PDZD2: variants seen among roughly 807,000 people sequenced by gnomAD.
The protein encoded by PDZD2 is PDZ domain-containing protein 2.
A neutral mutation model predicts 220.7 loss-of-function variants in PDZD2; 90 were observed. That is an observed-to-expected ratio of 0.41 (90% CI 0.34 to 0.49). The LOEUF is 0.49. Ranked by LOEUF, PDZD2 falls within the 20% of genes least tolerant of loss-of-function variation. PDZD2 has a pLI of 0.28. For synonymous variants in PDZD2, 1,375 were observed against 1,450.5 expected (o/e 0.95, Z 1.18); for missense variants, 3,174 against 3,608.5 (o/e 0.88, Z 3.08).
chr5:31,817,096 G>A (rs1561482291), intron 2 of PDZD2, among the ~76,000 whole-genome samples: 1 of 149,594 alleles, frequency 6.7e-6, no homozygotes, highest in Non-Finnish European at 1.5e-5. Flanking sequence ...TGAGGCAGGA[G>A]AATGGCGTGA....
chr5:31,983,730 A>G (rs758239750), intron 3 of PDZD2, 74 bp downstream of exon 3: 38 of 1,413,566 alleles, frequency 2.7e-5, no homozygotes, highest in Middle Eastern at 1.8e-4. Flanking sequence ...AGCCCAGCCC[A>G]TGCGGGAAAT....
intron 2 of PDZD2, among the ~76,000 whole-genome samples, chr5:31,979,300 T>C (rs548603542): frequency 1.3e-5 from 2 of 152,322 alleles, no homozygotes; most frequent in East Asian, 3.9e-4. Context: ...CCAAGAGTGG[T>C]AGCTCACGCC....
intron 2 of PDZD2, among the ~76,000 whole-genome samples, chr5:31,866,088 G>T (rs1026155535): frequency 1.3e-5 from 2 of 151,846 alleles, no homozygotes; most frequent in Non-Finnish European, 2.9e-5. Context: ...TGCAACCTCC[G>T]CCTCTCTGGC....
intron 2 of PDZD2, chr5:31,822,626 T>C: frequency 7.6e-7 from 1 of 1,312,968 alleles, no homozygotes; most frequent in South Asian, 1.2e-5. Context: ...TTTCCTGATA[T>C]CCTTGTTTTT....
chr5:31,820,910 T>A (rs979197643), intron 2 of PDZD2, among the ~76,000 whole-genome samples: 2 of 152,128 alleles, frequency 1.3e-5, no homozygotes, highest in African/African-American at 4.8e-5. Context: ...TTGGCCATTT[T>A]GCCCTAATTT....
At position 32,091,189 on chromosome 5, in the gene PDZD2, C is replaced by T; in HGVS notation, c.7727+14C>T. On this transcript the variant is annotated intron_variant, in intron 20 of 24. Transcript: ENST00000438447. ...CTGGTCAGTTAAGTAAGTATCTGCC[C>T]ACTACTTTTATTTCAGATAAACTTG... is the stretch of plus-strand genomic sequence containing the variant. 1 of 1,507,614 alleles carries T rather than the reference C, an allele frequency of 6.6e-7. No homozygotes were observed. Among genetic ancestry groups the T allele is most frequent in the Non-Finnish European group, 8.9e-7 (1 of 1,122,708 alleles). The allele number at this position is 1,507,614 out of a possible 1,614,324, so 93.4% of individuals were successfully genotyped here.
intron 10 of PDZD2, among the ~76,000 whole-genome samples, chr5:32,054,778 T>C (rs185221660): frequency 6.6e-6 from 1 of 152,376 alleles, no homozygotes; most frequent in Non-Finnish European, 1.5e-5. Context: ...TATCATTTTA[T>C]AGTGCTTTAA....
At chr5:31,660,356 T>A (rs1184431575) in intron 1 of PDZD2, among the ~76,000 whole-genome samples, 1 of 152,160 alleles carries the variant, frequency 6.6e-6, no homozygotes, top group East Asian at 1.9e-4. Flanking sequence ...TATAAAAAAA[T>A]TTTTTAGAGA....
intron 2 of PDZD2, chr5:31,908,431 C>A: frequency 1.8e-6 from 1 of 565,404 alleles, no homozygotes; most frequent in Non-Finnish European, 3.2e-6. Flanking sequence ...CTCAGACTGG[C>A]TGTGCGTGGA....
intron 1 of PDZD2, among the ~76,000 whole-genome samples, chr5:31,691,386 C>G (rs543624196): frequency 7.3e-6 from 1 of 136,740 alleles, no homozygotes; most frequent in Non-Finnish European, 1.5e-5. Flanking sequence ...TTGCACAGAG[C>G]GAAAGAACAA....
At chr5:32,042,067 A>T (rs1756224649) in intron 7 of PDZD2, among the ~76,000 whole-genome samples, 1 of 146,606 alleles carries the variant, frequency 6.8e-6, no homozygotes. Context: ...CATCCTGGCT[A>T]ACACGGTGAA....
At chr5:32,051,271 C>T (rs1223730916) in intron 8 of PDZD2, among the ~76,000 whole-genome samples, 1 of 152,014 alleles carries the variant, frequency 6.6e-6, no homozygotes, top group Non-Finnish European at 1.5e-5. Flanking sequence ...ATTAAAAGGG[C>T]AGTAACCTTG....
chr5:31,970,792 G>T (rs998896637), intron 2 of PDZD2, among the ~76,000 whole-genome samples: 4 of 152,152 alleles, frequency 2.6e-5, no homozygotes, highest in Non-Finnish European at 5.9e-5. Flanking sequence ...GAATTTGAAT[G>T]TGCTTATGAT....
intron 2 of PDZD2, among the ~76,000 whole-genome samples, chr5:31,981,460 A>G (rs531417050): frequency 6.6e-6 from 1 of 152,176 alleles, no homozygotes; most frequent in African/African-American, 2.4e-5. Context: ...AAAGCTCACT[A>G]TGAGATGAGA....
intron 2 of PDZD2, among the ~76,000 whole-genome samples, chr5:31,916,175 A>G (rs1203341050): frequency 1.3e-5 from 2 of 152,248 alleles, no homozygotes; most frequent in African/African-American, 2.4e-5. Flanking sequence ...TGTGTTTACA[A>G]AATAAAAAGC....
Position 32,091,186 on chromosome 5 carries a change from G to A in PDZD2, c.7727+11G>A, listed in dbSNP as rs1433048359. ...AAGCTGGTCAGTTAAGTAAGTATCT[G>A]CCCACTACTTTTATTTCAGATAAAC... On this transcript the variant is annotated intron_variant, in intron 20 of 24. Transcript: ENST00000438447. 3 of 1,511,770 alleles carry A rather than the reference G, an allele frequency of 2.0e-6. No individual in the cohort carries two copies. The highest frequency in any genetic ancestry group is 2.7e-6 in the Non-Finnish European group (3 of 1,125,970). 93.6% of individuals were successfully genotyped at this position (1,511,770 alleles called of 1,614,324 possible).
intron 1 of PDZD2, among the ~76,000 whole-genome samples, chr5:31,727,102 G>A (rs1749191756): frequency 6.6e-6 from 1 of 152,146 alleles, no homozygotes; most frequent in African/African-American, 2.4e-5. Flanking sequence ...ACAGCACCAA[G>A]CCATGAGCGA....
chr5:31,896,293 T>C (rs1416183999), intron 2 of PDZD2, among the ~76,000 whole-genome samples: 1 of 151,774 alleles, frequency 6.6e-6, no homozygotes, highest in Non-Finnish European at 1.5e-5. Flanking sequence ...GGTGACTTTA[T>C]TGCCTCATCA....
intron 2 of PDZD2, among the ~76,000 whole-genome samples, chr5:31,979,867 G>A (rs75326046): frequency 0.069 from 10,439 of 152,264 alleles, 463 homozygotes; most frequent in Non-Finnish European, 0.098. Flanking sequence ...CAGTAGTGAT[G>A]TGAACTTGGG....
Sources: gnomAD v4.1 joint callset for allele counts (sites outside exome capture counted in the v4.1 genomes callset) on GRCh38, gnomAD v4.1.1 for gene constraint, MANE v1.5 for transcripts, NCBI Gene and HGNC (gene_info 2026-07-23, HGNC 2026-07-21) for gene names.